Variants in CCDC88C observed in about 807,000 individuals in gnomAD.
The protein encoded by CCDC88C is coiled-coil and HOOK domain protein 88C.
In CCDC88C, 131 loss-of-function variants were observed where a neutral mutation model predicts 198.8. That is an observed-to-expected ratio of 0.66 (90% CI 0.57 to 0.76). The LOEUF (loss-of-function observed/expected upper bound fraction) is 0.76. Ranked by LOEUF, CCDC88C falls within the 30% of genes least tolerant of loss-of-function variation. CCDC88C has a pLI of 0.00. For missense variants in CCDC88C, 2,553 were observed against 2,631.6 expected (o/e 0.97, Z 0.65); for synonymous variants, 1,166 against 1,114.7 (o/e 1.05, Z -0.92).
At chr14:91,315,268 C>T (rs1367038530) in intron 14 of CCDC88C, among the ~76,000 whole-genome samples, 1 of 152,156 alleles carries the variant, frequency 6.6e-6, no homozygotes, top group African/African-American at 2.4e-5. Flanking sequence ...CAAATAAAAC[C>T]ACACGGATTT....
intron 3 of CCDC88C, among the ~76,000 whole-genome samples, chr14:91,404,045 G>T (rs758137516): frequency 6.6e-6 from 1 of 152,258 alleles, no homozygotes; most frequent in Admixed American, 6.5e-5. Flanking sequence ...CTGAGGCAGC[G>T]TGGGGCTCTG....
intron 3 of CCDC88C, among the ~76,000 whole-genome samples, chr14:91,391,419 T>A (rs1885499107): frequency 6.6e-6 from 1 of 152,194 alleles, no homozygotes; most frequent in Admixed American, 6.5e-5. Context: ...AGAACTCTTT[T>A]CATCTTGCAG....
chr14:91,364,606 C>T (rs1326821079), intron 3 of CCDC88C, among the ~76,000 whole-genome samples: 1 of 152,122 alleles, frequency 6.6e-6, no homozygotes, highest in Non-Finnish European at 1.5e-5. Flanking sequence ...TCTTATCAGT[C>T]ACCCCAAGGG....
chr14:91,321,225 G>C lies in CCDC88C; in HGVS notation c.1422C>G (p.Ser474Arg). The C allele has an allele frequency of 6.2e-7, 1 of 1,605,464 alleles. No homozygotes were observed. Among genetic ancestry groups the C allele is most frequent in the Non-Finnish European group, 8.5e-7 (1 of 1,175,926 alleles). ...RILKLEKENQ[S>R]LQSTIQGLRD... is the part of the protein sequence containing the mutation. ...GCAGCCCCTGGATGGTGCTCTGGAG[G>C]CTCTGATTCTCCTTCTCCAGCTTCA... Residue 474 changes from serine to arginine, a missense_variant, in exon 13 of 30, where the codon AGC (serine) becomes AGG (arginine). Transcript: ENST00000389857.
At chr14:91,408,393 A>T (rs1886620525) in intron 3 of CCDC88C, 2 of 368,170 alleles carry the variant, frequency 5.4e-6, no homozygotes, top group Non-Finnish European at 5.1e-6. Context: ...AGAGGCTGCA[A>T]ACTGAGGCTC....
chr14:91,325,005 C>T lies in CCDC88C; in HGVS notation c.1198-82G>A. 2 of 1,537,758 alleles carry T rather than the reference C, an allele frequency of 1.3e-6. No homozygotes were observed. Among genetic ancestry groups the T allele is most frequent in the Non-Finnish European group, 1.8e-6 (2 of 1,123,222 alleles). On this transcript the variant is annotated intron_variant, in intron 11 of 29. Transcript: ENST00000389857. This position sits in a 1 kb window ranked among gnomAD's most constrained non-coding sequence, Gnocchi z 4.1. Reference sequence around the variant, plus strand: ...ACAAGCCTCAGCCCCTGTATAGCTACCGTCATGTGCTGTGGATGAAGATGT... The same window carrying T: ...ACAAGCCTCAGCCCCTGTATAGCTATCGTCATGTGCTGTGGATGAAGATGT...
intron 3 of CCDC88C, among the ~76,000 whole-genome samples, chr14:91,362,699 G>T (rs1894363784): frequency 2.6e-5 from 4 of 152,176 alleles, no homozygotes; most frequent in African/African-American, 9.7e-5. Flanking sequence ...GGAGGCTGAG[G>T]CAGGTGGATC....
rs752173482 is a variant in CCDC88C at position 91,343,596 on chromosome 14, T to C, written c.399+3A>G. 4 of 1,613,650 alleles carry C rather than the reference T, an allele frequency of 2.5e-6. No individual in the cohort carries two copies. Among genetic ancestry groups the C allele is most frequent in the Non-Finnish European group, 3.4e-6 (4 of 1,179,820 alleles). ...CTCTGCTGCAGCCCTGCCCAATCCC[T>C]ACCTGGACAGCACAGCCCAGCACCA... is the stretch of plus-strand genomic sequence containing the variant. On this transcript the variant is annotated splice_donor_region_variant and intron_variant, in intron 5 of 29. Transcript: ENST00000389857.
intron 10 of CCDC88C, among the ~76,000 whole-genome samples, chr14:91,336,370 C>T (rs910514015): frequency 2.6e-5 from 4 of 152,226 alleles, no homozygotes; most frequent in Admixed American, 2.0e-4. Flanking sequence ...CAAACCCACC[C>T]TCCTCCACAA....
chr14:91,400,341 C>G (rs997941624), intron 3 of CCDC88C, among the ~76,000 whole-genome samples: 3 of 152,384 alleles, frequency 2.0e-5, no homozygotes, highest in East Asian at 1.9e-4. Context: ...GGGGACCCCC[C>G]GCAGACCATT....
chr14:91,277,652 A>T lies in CCDC88C; in HGVS notation c.5058+270T>A, dbSNP rs553860494. On this transcript the variant is annotated intron_variant, in intron 29 of 29. Coordinates refer to ENST00000389857, the MANE Select transcript of CCDC88C (RefSeq NM_001080414.4). ...CCCAGCGTGAGATCCTAGCCCTGTA[A>T]GTCAGGTGCTGGCCACGCACCCTTG... 5.8e-4 allele frequency among the ~76,000 whole-genome samples: 89 copies of T among 152,282 alleles called. 1 individual carries two copies. The highest frequency in any genetic ancestry group is 2.0e-3 in the African/African-American group (83 of 41,580).
rs577097589 is a variant in CCDC88C at position 91,394,916 on chromosome 14, G to A, written c.270+13743C>T. 5.5e-4 allele frequency among the ~76,000 whole-genome samples: 83 copies of A among 152,230 alleles called. No homozygotes were observed. The East Asian group carries it at 8.5e-3, about 16-fold the overall frequency. ...AATGAACACAGAGTGGCCAGGGGACGGGCCTTGGGTGGGGGGCCTGCCTGC... is the reference window on the plus strand; with the variant it reads ...AATGAACACAGAGTGGCCAGGGGACAGGCCTTGGGTGGGGGGCCTGCCTGC... On this transcript the variant is annotated intron_variant, in intron 3 of 29. Coordinates refer to ENST00000389857, the MANE Select transcript of CCDC88C (RefSeq NM_001080414.4).
chr14:91,316,772 C>A (rs1486304452), intron 13 of CCDC88C, among the ~76,000 whole-genome samples: 2 of 152,206 alleles, frequency 1.3e-5, no homozygotes, highest in African/African-American at 4.8e-5. Context: ...CTGGGTCCTA[C>A]CTACCCCTGA....
intron 3 of CCDC88C, among the ~76,000 whole-genome samples, chr14:91,400,482 A>G (rs1331888022): frequency 6.6e-6 from 1 of 152,236 alleles, no homozygotes; most frequent in Non-Finnish European, 1.5e-5. Flanking sequence ...CGCTGCCGAC[A>G]TGGGGACAGA....
intron 10 of CCDC88C, among the ~76,000 whole-genome samples, chr14:91,335,214 G>C (rs971956719): frequency 6.6e-6 from 1 of 152,160 alleles, no homozygotes; most frequent in Non-Finnish European, 1.5e-5. Flanking sequence ...AGCAGGGCTC[G>C]TGCATCAGGC....
rs1019664238 is a variant in CCDC88C, at chr14:91,321,203, G to GC, written c.1443dup (p.Leu482AlafsTer30). 1 of 1,611,664 alleles carries GC rather than the reference G, an allele frequency of 6.2e-7. No individual in the cohort carries two copies. The highest frequency in any genetic ancestry group is 1.3e-5 in the African/African-American group (1 of 74,888). ...TCCAACACCAGGGACGCGTCCCGCAGCCCCTGGATGGTGCTCTGGAGGCTC... is the reference window on the plus strand; with the variant it reads ...TCCAACACCAGGGACGCGTCCCGCAGCCCCCTGGATGGTGCTCTGGAGGCTC... On this transcript the variant is annotated frameshift_variant, in exon 13 of 30. Coordinates refer to ENST00000389857, the MANE Select transcript of CCDC88C (RefSeq NM_001080414.4). LOFTEE classifies it high-confidence loss of function.
intron 27 of CCDC88C, among the ~76,000 whole-genome samples, chr14:91,280,348 A>C (rs559046603): frequency 6.6e-6 from 1 of 152,358 alleles, no homozygotes; most frequent in African/African-American, 2.4e-5. Context: ...CTCTGCAAAC[A>C]GCAGATGTCC....
intron 2 of CCDC88C, among the ~76,000 whole-genome samples, chr14:91,415,651 C>T (rs1339560449): frequency 5.3e-5 from 8 of 151,048 alleles, no homozygotes; most frequent in East Asian, 3.9e-4. Context: ...ACCCGGGAGG[C>T]GGAGGTTGTG....
At chr14:91,372,828 C>T (rs548088203) in intron 3 of CCDC88C, among the ~76,000 whole-genome samples, 15 of 152,222 alleles carry the variant, frequency 9.9e-5, no homozygotes, top group South Asian at 2.1e-4. Flanking sequence ...GGCAGGTGGC[C>T]GGGCAGGCAG....
Sources: gnomAD v4.1 joint callset for allele counts (sites outside exome capture counted in the v4.1 genomes callset) on GRCh38, gnomAD v4.1.1 for gene constraint, Gnocchi (gnomAD v3.1) non-coding constraint, MANE v1.5 for transcripts, NCBI Gene and HGNC (gene_info 2026-07-23, HGNC 2026-07-21) for gene names.